The following BPTF variants were observed in gnomAD, a reference collection of about 807,000 sequenced individuals.
BPTF encodes nucleosome-remodeling factor subunit BPTF.
A neutral mutation model predicts 292.5 loss-of-function variants in BPTF; 18 were observed. The observed-to-expected ratio is 0.06, with a 90% CI of 0.04 to 0.09. BPTF has a LOEUF of 0.09. Among genes scored for constraint, BPTF ranks in the 10% least tolerant of loss-of-function variants. The pLI is 1.00. For missense variants in BPTF, 2,726 were observed against 3,498.7 expected, an observed-to-expected ratio of 0.78 and a Z score of 5.57; for synonymous variants, 1,225 against 1,251.9, an observed-to-expected ratio of 0.98 and a Z score of 0.45.
intron 24 of BPTF, among the ~76,000 whole-genome samples, chr17:67,962,012 G>T (rs1160193877): frequency 1.3e-5 from 2 of 151,608 alleles, no homozygotes; most frequent in Non-Finnish European, 2.9e-5. Flanking sequence ...GCCTGGTGGC[G>T]CATGCCTATA....
intron 7 of BPTF, among the ~76,000 whole-genome samples, chr17:67,899,629 C>T (rs1465479791): frequency 6.7e-6 from 1 of 150,094 alleles, no homozygotes; most frequent in African/African-American, 2.5e-5. Context: ...CTCCCGGGTT[C>T]GAGTGATTCT....
At chr17:67,958,125 C>T (rs1434339182) in intron 23 of BPTF, among the ~76,000 whole-genome samples, 6 of 152,016 alleles carry the variant, frequency 3.9e-5, no homozygotes, top group African/African-American at 1.2e-4. Context: ...GTCAGGAGTT[C>T]GAGACCAGCC....
intron 7 of BPTF, among the ~76,000 whole-genome samples, chr17:67,902,995 A>G (rs946610425): frequency 6.6e-6 from 1 of 152,232 alleles, no homozygotes; most frequent in South Asian, 2.1e-4. Flanking sequence ...CTAAATGTAG[A>G]GCCTCACCAC....
intron 1 of BPTF, among the ~76,000 whole-genome samples, chr17:67,847,209 C>G (rs62084214): frequency 0.2 from 31,006 of 152,002 alleles, 3,976 homozygotes; most frequent in East Asian, 0.66. Flanking sequence ...AGCACAATGT[C>G]TGGCAAATAG....
At chr17:67,894,317 T>C (rs2061307753) in intron 7 of BPTF, 152 bp downstream of exon 7, 2 of 746,912 alleles carry the variant, frequency 2.7e-6, no homozygotes, top group East Asian at 5.5e-5. Flanking sequence ...TAAACATGAA[T>C]GAATATTATT....
chr17:67,977,343 C>T (rs1555694517), intron 27 of BPTF, among the ~76,000 whole-genome samples: 1 of 151,784 alleles, frequency 6.6e-6, no homozygotes, highest in Non-Finnish European at 1.5e-5. Context: ...GGCAAAACCC[C>T]ATCTCTCCTT....
intron 1 of BPTF, among the ~76,000 whole-genome samples, chr17:67,851,212 G>A (rs1366296508): frequency 6.6e-6 from 1 of 151,868 alleles, no homozygotes; most frequent in African/African-American, 2.4e-5. Context: ...CAGTCACAAG[G>A]GGCCTTCGTG....
At chr17:67,915,515 G>A (rs956114840) in intron 11 of BPTF, among the ~76,000 whole-genome samples, 32 of 152,036 alleles carry the variant, frequency 2.1e-4, no homozygotes, top group African/African-American at 7.2e-4. Flanking sequence ...TTGGTACAGC[G>A]CATTCTGGCT....
intron 24 of BPTF, chr17:67,963,488 C>G: frequency 6.5e-7 from 1 of 1,533,880 alleles, no homozygotes; most frequent in Non-Finnish European, 8.7e-7. Context: ...ATCTGCAGAA[C>G]ACCTTATGAT....
chr17:67,908,604 T>C (rs913325087), intron 9 of BPTF, among the ~76,000 whole-genome samples: 6 of 150,730 alleles, frequency 4.0e-5, no homozygotes, highest in African/African-American at 1.5e-4. Context: ...GCGATTCTCC[T>C]GCCTCAGCCT....
chr17:67,897,341 CAA>C (rs750678904), intron 7 of BPTF, among the ~76,000 whole-genome samples: 18 of 17,758 alleles, frequency 1.0e-3, no homozygotes, highest in Non-Finnish European at 2.0e-3. Flanking sequence ...AACTCTGTCT[CAA>C]AAAAAAAAAA....
chr17:67,890,582 T>C (rs2061044433), intron 4 of BPTF, among the ~76,000 whole-genome samples: 1 of 152,204 alleles, frequency 6.6e-6, no homozygotes, highest in South Asian at 2.1e-4. Flanking sequence ...CTGGCCACGC[T>C]GGGTCCTGCT....
intron 1 of BPTF, among the ~76,000 whole-genome samples, chr17:67,852,600 C>T (rs1313357691): frequency 1.3e-5 from 2 of 152,074 alleles, no homozygotes; most frequent in African/African-American, 4.8e-5. Context: ...AATTTGATTC[C>T]ATTCTGTAGA....
At chr17:67,937,772 A>C (rs547333657) in intron 18 of BPTF, among the ~76,000 whole-genome samples, 229 of 152,288 alleles carry the variant, frequency 1.5e-3, no homozygotes, top group African/African-American at 5.4e-3. Flanking sequence ...AGGTGTGCAC[A>C]GATCACACTG....
At chr17:67,853,173 A>G (rs547768744) in intron 1 of BPTF, among the ~76,000 whole-genome samples, 2 of 152,344 alleles carry the variant, frequency 1.3e-5, no homozygotes, top group South Asian at 2.1e-4. Flanking sequence ...ACTCTCAGTT[A>G]TTTATATTGA....
At chr17:67,915,986 G>A (rs2147047772) in intron 11 of BPTF, among the ~76,000 whole-genome samples, 1 of 152,226 alleles carries the variant, frequency 6.6e-6, no homozygotes, top group South Asian at 2.1e-4. Context: ...CACAGAGAAT[G>A]AGGACAAACT....
chr17:67,876,149 A>G (rs1011692828), intron 4 of BPTF, among the ~76,000 whole-genome samples: 1 of 152,228 alleles, frequency 6.6e-6, no homozygotes, highest in African/African-American at 2.4e-5. Flanking sequence ...TATTTATAGC[A>G]TTTCAAACCG....
intron 3 of BPTF, among the ~76,000 whole-genome samples, chr17:67,868,445 C>T (rs1228385288): frequency 1.9e-4 from 29 of 152,194 alleles, no homozygotes. Flanking sequence ...GCAGTCAGCC[C>T]TGTGGAACCT....
chr17:67,949,891 C>T (rs2148033463), intron 23 of BPTF, among the ~76,000 whole-genome samples: 1 of 150,456 alleles, frequency 6.6e-6, no homozygotes, highest in East Asian at 2.0e-4. Flanking sequence ...TCCGTCTCTA[C>T]TAAAAACAAA....
Sources: gnomAD v4.1 joint callset for allele counts (sites outside exome capture counted in the v4.1 genomes callset) on GRCh38, gnomAD v4.1.1 for gene constraint, MANE v1.5 for transcripts, NCBI Gene and HGNC (gene_info 2026-07-23, HGNC 2026-07-21) for gene names.